The following TGFBR2 variants were observed in gnomAD, a reference collection of about 807,000 sequenced individuals.
TGFBR2 encodes the protein transforming growth factor beta receptor 2, also known as TGF-beta receptor type-2.
TGFBR2 carries 18 observed loss-of-function variants against 49.0 expected under a neutral mutation model. The ratio of observed to expected loss-of-function variants is 0.37; its 90% CI spans 0.25 to 0.54. TGFBR2 has a LOEUF of 0.54. Ranked by LOEUF, TGFBR2 falls within the 20% of genes least tolerant of loss-of-function variation. The pLI is 0.85. For synonymous variants in TGFBR2, 282 were observed against 275.9 expected, an observed-to-expected ratio of 1.02 and a Z score of -0.22; for missense variants, 525 against 722.6, an observed-to-expected ratio of 0.73 and a Z score of 3.13.
intron 1 of TGFBR2, among the ~76,000 whole-genome samples, chr3:30,641,512 AG>A (rs1392667714): frequency 2.6e-5 from 4 of 152,088 alleles, no homozygotes; most frequent in Admixed American, 6.6e-5. Flanking sequence ...TCCTGCATAC[AG>A]GCTTTTGAAA....
intron 2 of TGFBR2, 86 bp from the exon 3 acceptor site, chr3:30,650,184 C>A: frequency 7.4e-7 from 1 of 1,351,344 alleles, no homozygotes; most frequent in Non-Finnish European, 1.1e-6. Context: ...TTCCAGATTG[C>A]CTTTCTGTCT....
rs1397322686 is a variant in TGFBR2 at position 30,674,113 on chromosome 3, T to G, written c.1263T>G (p.Thr421=). Residue 421 remains threonine, a synonymous_variant, in exon 5 of 7, where the codon ACT becomes ACG. Coordinates refer to ENST00000295754, the MANE Select transcript of TGFBR2 (RefSeq NM_003242.6). Reference sequence around the variant, plus strand: ...GTCTGTTTTTGCTATAGGTGGGAACTGCAAGATACATGGCTCCAGAAGTCC... The same window carrying G: ...GTCTGTTTTTGCTATAGGTGGGAACGGCAAGATACATGGCTCCAGAAGTCC... The part of the protein sequence containing the change: ...DDLANSGQVG[T]ARYMAPEVLE... The G allele has an allele frequency of 3.7e-5, 60 of 1,614,064 alleles. No homozygotes were observed. The highest frequency in any genetic ancestry group is 5.0e-5 in the Admixed American group (3 of 60,006).
chr3:30,661,118 C>T (rs566392401), intron 3 of TGFBR2, among the ~76,000 whole-genome samples: 1 of 152,086 alleles, frequency 6.6e-6, no homozygotes, highest in South Asian at 2.1e-4. Flanking sequence ...ACATGAGGGC[C>T]CCTAGACAGA....
intron 1 of TGFBR2, among the ~76,000 whole-genome samples, chr3:30,612,564 CAG>C (rs930664750): frequency 6.6e-6 from 1 of 152,156 alleles, no homozygotes; most frequent in African/African-American, 2.4e-5. Flanking sequence ...CAAGATAAGG[CAG>C]AGTTTCTTTG....
intron 1 of TGFBR2, among the ~76,000 whole-genome samples, chr3:30,633,301 A>G (rs1271518712): frequency 6.6e-6 from 1 of 152,220 alleles, no homozygotes; most frequent in Non-Finnish European, 1.5e-5. Context: ...TACTGGACTA[A>G]GCATTTGGTC....
intron 1 of TGFBR2, among the ~76,000 whole-genome samples, chr3:30,624,145 AAAAC>A (rs1475179323): frequency 6.6e-5 from 10 of 151,940 alleles, no homozygotes; most frequent in African/African-American, 2.4e-4. Context: ...TCCATCTCAA[AAAAC>A]AAACAAATAA....
At chr3:30,623,203 G>C in intron 1 of TGFBR2, 1 of 1,512,368 alleles carries the variant, frequency 6.6e-7, no homozygotes, top group Non-Finnish European at 9.2e-7. Context: ...TTACAGATGT[G>C]GAAATGGAGG....
At chr3:30,680,803 C>T (rs1265958327) in intron 5 of TGFBR2, among the ~76,000 whole-genome samples, 3 of 152,124 alleles carry the variant, frequency 2.0e-5, no homozygotes, top group Non-Finnish European at 2.9e-5. Flanking sequence ...TTCATGAAAT[C>T]GCCATTCAGC....
chr3:30,611,408 C>A (rs1698026941), intron 1 of TGFBR2, among the ~76,000 whole-genome samples: 1 of 152,186 alleles, frequency 6.6e-6, no homozygotes, highest in Non-Finnish European at 1.5e-5. Context: ...TTCTTGTATT[C>A]TCATGAAATA....
intron 5 of TGFBR2, among the ~76,000 whole-genome samples, chr3:30,677,575 A>G (rs967828823): frequency 2.0e-5 from 3 of 152,204 alleles, no homozygotes; most frequent in South Asian, 4.1e-4. Flanking sequence ...TTTTAAAAGC[A>G]TTAGTGGTTT....
chr3:30,664,201 G>A (rs1699202772), intron 3 of TGFBR2, among the ~76,000 whole-genome samples: 1 of 150,564 alleles, frequency 6.6e-6, no homozygotes, highest in African/African-American at 2.4e-5. Context: ...CCAGGCTGGT[G>A]TCAAACTCCT....
At chr3:30,641,887 CTCCTTGTTTCCCTTCCTCCCT>C (rs1288743710) in intron 1 of TGFBR2, among the ~76,000 whole-genome samples, 4 of 152,052 alleles carry the variant, frequency 2.6e-5, no homozygotes, top group Middle Eastern at 3.2e-3. Context: ...CTCCCCCTCC[CTCCTTGTTTCCCTTCCTCCCT>C]TCCTTCCTCT....
chr3:30,648,458 A>C (rs866644419), intron 2 of TGFBR2, among the ~76,000 whole-genome samples: 8 of 142,994 alleles, frequency 5.6e-5, no homozygotes, highest in African/African-American at 2.1e-4. Flanking sequence ...ACACACACAC[A>C]CACAAAACTG....
chr3:30,610,885 G>C lies in TGFBR2; in HGVS notation c.94+3908G>C, dbSNP rs1199732173. Among the ~76,000 whole-genome samples the C allele has an allele frequency of 2.6e-5, 4 of 152,228 alleles. No individual in the cohort carries two copies. The East Asian group carries it at 7.7e-4, about 29-fold the overall frequency. On this transcript the variant is annotated intron_variant, in intron 1 of 6. Coordinates refer to ENST00000295754, the MANE Select transcript of TGFBR2 (RefSeq NM_003242.6). Reference sequence around the variant, plus strand: ...GCCCACATTTTCCCAGTCTATTTGTGTCACTACACATACACACAATGTGAG... The same window carrying C: ...GCCCACATTTTCCCAGTCTATTTGTCTCACTACACATACACACAATGTGAG...
At chr3:30,657,738 A>G (rs1024789450) in intron 3 of TGFBR2, among the ~76,000 whole-genome samples, 2 of 152,164 alleles carry the variant, frequency 1.3e-5, no homozygotes, top group African/African-American at 2.4e-5. Flanking sequence ...TACCAACGTC[A>G]TGTATTCTCC....
Position 30,676,778 on chromosome 3 carries a change from C to T in TGFBR2, c.1396+2532C>T, listed in dbSNP as rs1335075983. Among the ~76,000 whole-genome samples, 5 of 152,184 alleles carry T rather than the reference C, an allele frequency of 3.3e-5. No homozygotes were observed. The highest frequency in any genetic ancestry group is 5.9e-5 in the Non-Finnish European group (4 of 68,028). ...GAACCTCACATGTTTTCCTGAGACC[C>T]CCGCATGGGGATGGCACTTCCTATC... On this transcript the variant is annotated intron_variant, in intron 5 of 6. Transcript: ENST00000295754. This position sits in a 1 kb window ranked among gnomAD's most constrained non-coding sequence, Gnocchi z 4.3.
chr3:30,621,797 T>C (rs1316945861), intron 1 of TGFBR2, among the ~76,000 whole-genome samples: 1 of 152,184 alleles, frequency 6.6e-6, no homozygotes, highest in East Asian at 1.9e-4. Context: ...TCACAAACTC[T>C]TGAGTATTGG....
At chr3:30,613,092 TG>T (rs986103130) in intron 1 of TGFBR2, among the ~76,000 whole-genome samples, 1 of 151,868 alleles carries the variant, frequency 6.6e-6, no homozygotes, top group Non-Finnish European at 1.5e-5. Context: ...TACCTATGAC[TG>T]GGGAGATTCT....
At chr3:30,636,692 C>T (rs568904604) in intron 1 of TGFBR2, among the ~76,000 whole-genome samples, 1 of 151,990 alleles carries the variant, frequency 6.6e-6, no homozygotes, top group African/African-American at 2.4e-5. Flanking sequence ...TGCATCTACT[C>T]CCAGAGACCG....
Sources: gnomAD v4.1 joint callset for allele counts (sites outside exome capture counted in the v4.1 genomes callset) on GRCh38, gnomAD v4.1.1 for gene constraint, Gnocchi (gnomAD v3.1) non-coding constraint, MANE v1.5 for transcripts, NCBI Gene and HGNC (gene_info 2026-07-23, HGNC 2026-07-21) for gene names.